The following EPHA3 variants were observed in gnomAD, a reference collection of about 807,000 sequenced individuals.
EPHA3 encodes the protein ephrin type-A receptor 3.
In EPHA3, 42 loss-of-function variants were observed where a neutral mutation model predicts 107.1. The observed-to-expected ratio is 0.39, with a 90% CI of 0.31 to 0.51. The LOEUF is 0.51. Ranked by LOEUF, EPHA3 falls within the 20% of genes least tolerant of loss-of-function variation. EPHA3 has a pLI of 0.78. For missense variants in EPHA3, 1,183 were observed against 1,211.2 expected (o/e 0.98, Z 0.35); for synonymous variants, 461 against 424.8 (o/e 1.09, Z -1.05).
chr3:89,234,120 T>C (rs983816929), intron 3 of EPHA3, among the ~76,000 whole-genome samples: 1 of 152,072 alleles, frequency 6.6e-6, no homozygotes, highest in African/African-American at 2.4e-5. Flanking sequence ...AATTATGCCA[T>C]GAAAGAGAAA....
chr3:89,232,279 C>T (rs1704655520), intron 3 of EPHA3, among the ~76,000 whole-genome samples: 1 of 151,968 alleles, frequency 6.6e-6, no homozygotes, highest in Non-Finnish European at 1.5e-5. Context: ...GGTGGTTGGG[C>T]AAGGAAGACT....
At chr3:89,311,684 G>A (rs1436346260) in intron 3 of EPHA3, among the ~76,000 whole-genome samples, 2 of 151,960 alleles carry the variant, frequency 1.3e-5, no homozygotes, top group South Asian at 2.1e-4. Flanking sequence ...TATTATTCTG[G>A]CTTAGTGAAT....
At chr3:89,230,858 C>T (rs1405858923) in intron 3 of EPHA3, among the ~76,000 whole-genome samples, 1 of 145,942 alleles carries the variant, frequency 6.9e-6, no homozygotes, top group Non-Finnish European at 1.5e-5. Flanking sequence ...ACACACACAC[C>T]TTTGCTTTTA....
chr3:89,365,155 G>C (rs1708163751), intron 5 of EPHA3, among the ~76,000 whole-genome samples: 1 of 150,824 alleles, frequency 6.6e-6, no homozygotes, highest in African/African-American at 2.4e-5. Context: ...ATAGAGAAAG[G>C]TTTTCTTGAA....
chr3:89,208,299 G>A (rs1706158119), intron 2 of EPHA3, among the ~76,000 whole-genome samples: 1 of 149,766 alleles, frequency 6.7e-6, no homozygotes, highest in African/African-American at 2.5e-5. Flanking sequence ...TAACCCAGGA[G>A]GTGAAGATTG....
At chr3:89,269,283 T>C (rs1705608053) in intron 3 of EPHA3, among the ~76,000 whole-genome samples, 1 of 152,112 alleles carries the variant, frequency 6.6e-6, no homozygotes, top group Non-Finnish European at 1.5e-5. Flanking sequence ...AGAAAGAGTA[T>C]AGAGCAGTGA....
intron 13 of EPHA3, among the ~76,000 whole-genome samples, chr3:89,434,902 C>G (rs774554911): frequency 6.6e-6 from 1 of 152,108 alleles, no homozygotes; most frequent in African/African-American, 2.4e-5. Context: ...TTCCTTGGAA[C>G]TCCCTCAAAA....
chr3:89,146,236 G>A (rs1034314306), intron 2 of EPHA3, among the ~76,000 whole-genome samples: 4 of 151,858 alleles, frequency 2.6e-5, no homozygotes, highest in African/African-American at 7.3e-5. Flanking sequence ...TAGTCACTTA[G>A]TAGCTGTCCC....
chr3:89,187,452 A>T (rs1705595385), intron 2 of EPHA3, among the ~76,000 whole-genome samples: 1 of 150,590 alleles, frequency 6.6e-6, no homozygotes, highest in African/African-American at 2.4e-5. Flanking sequence ...TAATTAATTT[A>T]TCTTATTTAA....
chr3:89,391,576 C>T (rs1366365728), intron 5 of EPHA3, among the ~76,000 whole-genome samples: 3 of 150,980 alleles, frequency 2.0e-5, no homozygotes, highest in African/African-American at 4.9e-5. Flanking sequence ...TATAGGTGCC[C>T]GCCACCATGC....
chr3:89,316,477 ATGTG>A (rs59376338), intron 3 of EPHA3, among the ~76,000 whole-genome samples: 124 of 130,750 alleles, frequency 9.5e-4, no homozygotes, highest in South Asian at 7.2e-3. Flanking sequence ...CTGTATATAT[ATGTG>A]TGTGTGTGTG....
intron 2 of EPHA3, among the ~76,000 whole-genome samples, chr3:89,143,077 G>T (rs192264443): frequency 6.6e-6 from 1 of 150,778 alleles, no homozygotes; most frequent in African/African-American, 2.4e-5. Flanking sequence ...AAATGAAAAG[G>T]TTACCTGTAC....
intron 2 of EPHA3, among the ~76,000 whole-genome samples, chr3:89,199,765 G>T (rs763459189): frequency 7.2e-5 from 11 of 151,890 alleles, no homozygotes; most frequent in Non-Finnish European, 1.0e-4. Flanking sequence ...TCTGTCATTG[G>T]TCTTATAGTT....
chr3:89,480,977 C>G lies in EPHA3; in HGVS notation c.*1475C>G, dbSNP rs1009757225. ...ATTTAGACTTACTATTACATAAAGG[C>G]TAACTATGAGCTTGCTCATTAATTT... is the stretch of plus-strand genomic sequence containing the variant. On this transcript the variant is annotated 3_prime_UTR_variant, in exon 17 of 17. Coordinates refer to ENST00000336596, the MANE Select transcript of EPHA3 (RefSeq NM_005233.6). The G allele has an allele frequency of 3.9e-5, 9 of 231,788 alleles. 1 individual carries two copies. Among genetic ancestry groups the G allele is most frequent in the South Asian group, 1.8e-4 (1 of 5,510 alleles). 14.4% of individuals were successfully genotyped at this position (231,788 alleles called of 1,614,324 possible). A position where few individuals can be genotyped will look rare whatever the true frequency, so the allele number is the denominator to read the frequency against.
intron 3 of EPHA3, among the ~76,000 whole-genome samples, chr3:89,270,524 T>C (rs1705644082): frequency 6.6e-6 from 1 of 152,226 alleles, no homozygotes; most frequent in African/African-American, 2.4e-5. Context: ...TGTTTTAAAT[T>C]GTGTAGCCTG....
intron 15 of EPHA3, among the ~76,000 whole-genome samples, chr3:89,455,904 A>T (rs1512183): frequency 0.23 from 35,332 of 152,036 alleles, 4,375 homozygotes; most frequent in Non-Finnish European, 0.25. Context: ...GTTTTCTGTG[A>T]TTGTGTCTGT....
At chr3:89,317,526 A>ATCTCTTC (rs1460618832) in intron 3 of EPHA3, among the ~76,000 whole-genome samples, 2 of 151,826 alleles carry the variant, frequency 1.3e-5, no homozygotes, top group East Asian at 3.9e-4. Context: ...GCCAGTCTTA[A>ATCTCTTC]TCTCTATCTA....
chr3:89,399,386 G>A lies in EPHA3; in HGVS notation c.1500G>A (p.Lys500=), dbSNP rs750312637. 3 of 1,614,042 alleles carry A rather than the reference G, an allele frequency of 1.9e-6. No homozygotes were observed. The highest frequency in any genetic ancestry group is 3.3e-5 in the Admixed American group (2 of 59,996). Reference sequence around the variant, plus strand: ...CAAATGTTACCATCAGTAGCCTCAAGCCTGACACTATATACGTATTCCAAA... The same window carrying A: ...CAAATGTTACCATCAGTAGCCTCAAACCTGACACTATATACGTATTCCAAA... ...RGTNVTISSL[K]PDTIYVFQIR... is the part of the protein sequence containing the mutation. Residue 500 remains lysine, a synonymous_variant, in exon 7 of 17, where the codon AAG becomes AAA. Coordinates refer to ENST00000336596, the MANE Select transcript of EPHA3 (RefSeq NM_005233.6).
chr3:89,195,189 A>G (rs1421207973), intron 2 of EPHA3, among the ~76,000 whole-genome samples: 1 of 151,928 alleles, frequency 6.6e-6, no homozygotes, highest in Non-Finnish European at 1.5e-5. Flanking sequence ...ACATTATTAG[A>G]TTCTACCCAT....
Sources: allele counts gnomAD v4.1 joint callset (sites outside exome capture counted in the v4.1 genomes callset), GRCh38; gene constraint gnomAD v4.1.1; transcripts MANE v1.5; gene names NCBI Gene and HGNC (gene_info 2026-07-23, HGNC 2026-07-21).